Variants in TBK1 observed in about 807,000 individuals in gnomAD.
The protein encoded by TBK1 is TANK binding kinase 1, also known as serine/threonine-protein kinase TBK1.
A neutral mutation model predicts 99.9 loss-of-function variants in TBK1; 37 were observed. The observed-to-expected ratio is 0.37, with a 90% CI of 0.28 to 0.49. The LOEUF is 0.49. Ranked by LOEUF, TBK1 falls within the 20% of genes least tolerant of loss-of-function variation. The pLI, the probability that TBK1 is intolerant of heterozygous loss-of-function variation, is 0.98. For synonymous variants in TBK1, 258 were observed against 279.8 expected (o/e 0.92, Z 0.78); for missense variants, 644 against 872.5 (o/e 0.74, Z 3.30).
chr12:64,466,070 G>A (rs2040600399), intron 4 of TBK1, among the ~76,000 whole-genome samples: 1 of 152,154 alleles, frequency 6.6e-6, no homozygotes, highest in Admixed American at 6.5e-5. Context: ...TGGAAGCAGA[G>A]TGATTATTTA....
rs574666010 is a variant in TBK1 at position 64,485,665 on chromosome 12, GTCTT to G, written c.1248+158_1248+161del. ...GATACCCTTTCCAAGTGATTTTGTGGTCTTTCTTTTTTACTTTTTATCCTTTCTT... is the reference window on the plus strand; with the variant it reads ...GATACCCTTTCCAAGTGATTTTGTGGTCTTTTTTACTTTTTATCCTTTCTT... On this transcript the variant is annotated intron_variant, in intron 10 of 20. Transcript: ENST00000331710. 2.2e-3 allele frequency: 1,060 copies of G among 472,920 alleles called. 2 individuals carry two copies. The highest frequency in any genetic ancestry group is 3.2e-3 in the Non-Finnish European group (900 of 277,374). 29.3% of individuals were successfully genotyped at this position (472,920 alleles called of 1,614,324 possible).
intron 1 of TBK1, among the ~76,000 whole-genome samples, chr12:64,454,471 A>G (rs1592349535): frequency 6.7e-6 from 1 of 150,280 alleles, no homozygotes; most frequent in Non-Finnish European, 1.5e-5. Context: ...CTGGTCTCGA[A>G]CTCCTGACCT....
At chr12:64,501,294 T>C in intron 20 of TBK1, 36 bp from the exon 21 acceptor site, 1 of 1,606,968 alleles carries the variant, frequency 6.2e-7, no homozygotes, top group Non-Finnish European at 8.5e-7. Context: ...ATGCAACTTT[T>C]GAGATTACCT....
chr12:64,468,382 A>G (rs1376946695), intron 5 of TBK1, among the ~76,000 whole-genome samples: 1 of 151,892 alleles, frequency 6.6e-6, no homozygotes, highest in African/African-American at 2.4e-5. Flanking sequence ...AATCTCAGCT[A>G]CTTTGGGAGG....
At position 64,495,399 on chromosome 12, in the gene TBK1, G is replaced by A. The variant is rs1184631596; in HGVS notation, c.1522-84G>A. ...TTGAAGTAATCTACAAAAGAAATGT[G>A]GTCCAGACTTTAGACTTTGTTGGGA... On this transcript the variant is annotated intron_variant, in intron 13 of 20. Coordinates refer to ENST00000331710, the MANE Select transcript of TBK1 (RefSeq NM_013254.4). 8 of 1,490,836 alleles carry A rather than the reference G, an allele frequency of 5.4e-6. No individual in the cohort carries two copies. In the Admixed American group the frequency reaches 9.0e-5, roughly 17 times the overall value. 92.4% of individuals were successfully genotyped at this position (1,490,836 alleles called of 1,614,324 possible). A position where few individuals can be genotyped will look rare whatever the true frequency, so the allele number is the denominator to read the frequency against.
chr12:64,496,441 G>C, intron 16 of TBK1, 35 bp downstream of exon 16: 5 of 1,129,802 alleles, frequency 4.4e-6, no homozygotes, highest in Non-Finnish European at 6.2e-6. Flanking sequence ...AGTTATTTTT[G>C]GTGCTATTTT....
At chr12:64,487,203 A>G (rs563205790) in intron 11 of TBK1, among the ~76,000 whole-genome samples, 1 of 152,314 alleles carries the variant, frequency 6.6e-6, no homozygotes, top group East Asian at 1.9e-4. Context: ...TTTGGAAATT[A>G]TGCTTGTTTC....
chr12:64,481,013 A>C (rs1416529126), intron 7 of TBK1, among the ~76,000 whole-genome samples: 5 of 152,210 alleles, frequency 3.3e-5, no homozygotes. Context: ...CATTTTCAAA[A>C]ACCACTATTG....
intron 4 of TBK1, among the ~76,000 whole-genome samples, chr12:64,466,411 A>C (rs2040604954): frequency 6.6e-6 from 1 of 152,182 alleles, no homozygotes; most frequent in South Asian, 2.1e-4. Flanking sequence ...ACATTTTTAC[A>C]GAAACAAGTT....
At chr12:64,496,608 G>T (rs1172484877) in intron 16 of TBK1, among the ~76,000 whole-genome samples, 1 of 152,178 alleles carries the variant, frequency 6.6e-6, no homozygotes, top group Non-Finnish European at 1.5e-5. Flanking sequence ...ATGGGAGAAG[G>T]AGGGGGGAGA....
At chr12:64,479,083 C>T (rs568240960) in intron 6 of TBK1, among the ~76,000 whole-genome samples, 1 of 152,298 alleles carries the variant, frequency 6.6e-6, no homozygotes, top group Admixed American at 6.5e-5. Context: ...TTGAAGTACT[C>T]AGTAATAATA....
intron 1 of TBK1, among the ~76,000 whole-genome samples, chr12:64,455,280 C>G (rs2040474704): frequency 6.6e-6 from 1 of 152,096 alleles, no homozygotes; most frequent in Non-Finnish European, 1.5e-5. Flanking sequence ...GCCACTGCTC[C>G]CAGCTGAAAC....
At chr12:64,486,904 C>T (rs1015670453) in intron 11 of TBK1, among the ~76,000 whole-genome samples, 1 of 152,088 alleles carries the variant, frequency 6.6e-6, no homozygotes, top group Non-Finnish European at 1.5e-5. Flanking sequence ...ACAGCCCTGC[C>T]CTAGGCAACC....
At position 64,497,087 on chromosome 12, in the gene TBK1, T is replaced by C. The variant is rs377415097; in HGVS notation, c.1862+37T>C. 4.2e-5 allele frequency: 66 copies of C among 1,587,722 alleles called. No homozygotes were observed. In the African/African-American group the frequency reaches 8.1e-4, roughly 19 times the overall value. ...TCTTTTGGAGTGATTAGTGGTTGAC[T>C]GCACAATATAAATGTATATTTGAAG... On this transcript the variant is annotated intron_variant, in intron 17 of 20. Transcript: ENST00000331710.
intron 8 of TBK1, among the ~76,000 whole-genome samples, chr12:64,482,794 A>G (rs2040780668): frequency 6.6e-6 from 1 of 152,182 alleles, no homozygotes. Context: ...GTAGAAGGCT[A>G]TACCATGTAG....
chr12:64,468,833 C>T (rs897962242), intron 5 of TBK1, among the ~76,000 whole-genome samples: 11 of 152,162 alleles, frequency 7.2e-5, no homozygotes, highest in Admixed American at 3.9e-4. Context: ...CCAGGCACAG[C>T]GTTCTGACTG....
rs199822589 is a variant in TBK1 at position 64,455,904 on chromosome 12, T to G, written c.34T>G (p.Ser12Ala). Reference protein sequence around the residue: ...QSTSNHLWLLSDILGQGATAN... With the variant: ...QSTSNHLWLLADILGQGATAN... ...CACTTCTAATCATCTGTGGCTTTTATCTGATATTTTAGGCCAAGGAGCTAC... is the reference window on the plus strand; with the variant it reads ...CACTTCTAATCATCTGTGGCTTTTAGCTGATATTTTAGGCCAAGGAGCTAC... Residue 12 changes from serine to alanine, a missense_variant, in exon 2 of 21, where the codon TCT becomes GCT. Ser to Ala is a moderately conservative substitution (Grantham distance 99). Around this residue, in one of 3 missense-constraint regions of TBK1, gnomAD observed 148 missense variants for 202.1 expected, o/e 0.73. Transcript: ENST00000331710. The G allele has an allele frequency of 5.0e-6, 8 of 1,614,040 alleles. No individual in the cohort carries two copies. The East Asian group carries it at 1.1e-4, about 22-fold the overall frequency.
At chr12:64,470,701 C>T (rs1237004316) in intron 5 of TBK1, among the ~76,000 whole-genome samples, 1 of 152,182 alleles carries the variant, frequency 6.6e-6, no homozygotes. Flanking sequence ...TCAGAACTGT[C>T]ACATACACTG....
At chr12:64,496,797 C>T (rs1217385150) in intron 16 of TBK1, 152 bp from the exon 17 acceptor site, 2 of 583,792 alleles carry the variant, frequency 3.4e-6, no homozygotes, top group Non-Finnish European at 6.0e-6. Flanking sequence ...GCTATAATGT[C>T]TATCTTAGAA....
Sources: allele counts gnomAD v4.1 joint callset (sites outside exome capture counted in the v4.1 genomes callset), GRCh38; gene constraint gnomAD v4.1.1; regional missense constraint gnomAD v4.1.1; transcripts MANE v1.5; gene names NCBI Gene and HGNC (gene_info 2026-07-23, HGNC 2026-07-21).